The following TATDN1 variants were observed in gnomAD, a reference collection of about 807,000 sequenced individuals.
TATDN1 encodes deoxyribonuclease TATDN1.
In TATDN1, 40 loss-of-function variants were observed where a neutral mutation model predicts 46.4. The observed-to-expected ratio is 0.86, with a 90% CI of 0.67 to 1.12. The LOEUF (loss-of-function observed/expected upper bound fraction) is 1.12. TATDN1 is among the 50% of genes most tolerant of loss of function. The probability of loss-of-function intolerance (pLI) is 0.00; values close to 1 mark genes in which losing one functional copy is unlikely to be tolerated. For missense variants in TATDN1, 326 were observed against 348.4 expected, an observed-to-expected ratio of 0.94 and a Z score of 0.51; for synonymous variants, 95 against 105.6, an observed-to-expected ratio of 0.90 and a Z score of 0.62.
At chr8:124,497,826 AT>A (rs962260426) in intron 9 of TATDN1, among the ~76,000 whole-genome samples, 2 of 152,214 alleles carry the variant, frequency 1.3e-5, no homozygotes, top group Non-Finnish European at 2.9e-5. Flanking sequence ...GAGTACTTCC[AT>A]AAAAAGAAAA....
chr8:124,511,923 G>T (rs893439787), intron 6 of TATDN1, among the ~76,000 whole-genome samples: 1 of 152,176 alleles, frequency 6.6e-6, no homozygotes, highest in African/African-American at 2.4e-5. Context: ...ACAAAGGGAT[G>T]AAGTGACACC....
chr8:124,494,894 G>C (rs1817335319), intron 10 of TATDN1: 2 of 152,366 alleles, frequency 1.3e-5, no homozygotes, highest in Non-Finnish European at 2.9e-5. Flanking sequence ...AGATAACTTT[G>C]TATTTTTAGT....
intron 9 of TATDN1, among the ~76,000 whole-genome samples, chr8:124,499,836 G>A (rs1007625879): frequency 3.3e-5 from 5 of 149,826 alleles, no homozygotes; most frequent in African/African-American, 9.9e-5. Flanking sequence ...GAGTCACTGC[G>A]CCCGGCCCCC....
chr8:124,522,278 G>C (rs1820117678), intron 2 of TATDN1, 78 bp from the exon 3 acceptor site: 1 of 817,646 alleles, frequency 1.2e-6, no homozygotes, highest in Non-Finnish European at 2.1e-6. Flanking sequence ...TGTGCAAATG[G>C]CTATTTGAAG....
chr8:124,528,579 C>T (rs1225699068), intron 1 of TATDN1, among the ~76,000 whole-genome samples: 4 of 152,122 alleles, frequency 2.6e-5, no homozygotes, highest in Non-Finnish European at 4.4e-5. Context: ...TTATCTAGTA[C>T]TACTTGAGCC....
intron 1 of TATDN1, among the ~76,000 whole-genome samples, chr8:124,525,055 G>A (rs1820366803): frequency 6.6e-6 from 1 of 152,182 alleles, no homozygotes; most frequent in South Asian, 2.1e-4. Flanking sequence ...CAAGTGCAGT[G>A]AGAAGCACTT....
rs118002819 is a variant in TATDN1 at position 124,521,158 on chromosome 8, C to T, written c.138+993G>A. ...TGAAGTCTAGTGAGATAAAAGACTC[C>T]AGGTTATAAAGCTATGAAAAATGAA... On this transcript the variant is annotated intron_variant, in intron 3 of 11. Transcript: ENST00000276692. Among the ~76,000 whole-genome samples the T allele has an allele frequency of 1.2e-4, 19 of 152,112 alleles. No homozygotes were observed. In the East Asian group the frequency reaches 2.5e-3, roughly 20 times the overall value.
chr8:124,499,313 T>G (rs1228294404), intron 9 of TATDN1, among the ~76,000 whole-genome samples: 1 of 152,176 alleles, frequency 6.6e-6, no homozygotes, highest in Non-Finnish European at 1.5e-5. Context: ...TTGGTATGGA[T>G]AGTATATTTA....
intron 11 of TATDN1, among the ~76,000 whole-genome samples, chr8:124,491,884 T>C (rs1219007010): frequency 6.6e-6 from 1 of 152,188 alleles, no homozygotes; most frequent in Non-Finnish European, 1.5e-5. Flanking sequence ...ATTTTTTAAA[T>C]GTGGTTTAAA....
At chr8:124,533,295 A>C (rs1386250813) in intron 1 of TATDN1, among the ~76,000 whole-genome samples, 1 of 151,954 alleles carries the variant, frequency 6.6e-6, no homozygotes, top group Non-Finnish European at 1.5e-5. Flanking sequence ...AGGAGGTTAC[A>C]GTAAATTATG....
intron 9 of TATDN1, among the ~76,000 whole-genome samples, chr8:124,500,191 C>T (rs1475232190): frequency 2.0e-5 from 3 of 152,098 alleles, no homozygotes; most frequent in Admixed American, 1.3e-4. Flanking sequence ...TTTTAGGAAC[C>T]AAAGACTTTA....
At chr8:124,508,366 C>G in intron 8 of TATDN1, 108 bp downstream of exon 8, 1 of 859,660 alleles carries the variant, frequency 1.2e-6, no homozygotes, top group Non-Finnish European at 1.8e-6. Flanking sequence ...TATCTCATGC[C>G]AGTGCTTAAA....
At position 124,493,886 on chromosome 8, in the gene TATDN1, C is replaced by G. The variant is rs1233674029; in HGVS notation, c.738G>C (p.Lys246Asn). 2 of 1,611,832 alleles carry G rather than the reference C, an allele frequency of 1.2e-6. No homozygotes were observed. The highest frequency in any genetic ancestry group is 3.3e-5 in the Admixed American group (2 of 59,794). The change falls in exon 11 of 12, where the codon AAG (lysine) becomes AAC (asparagine). Residue 246 changes from lysine to asparagine, a missense_variant. Coordinates refer to ENST00000276692, the MANE Select transcript of TATDN1 (RefSeq NM_032026.4). Reference protein sequence around the residue: ...KYIRTAFPTKKKWESGHCLKD... With the variant: ...KYIRTAFPTKNKWESGHCLKD... The stretch of plus-strand genomic sequence containing the variant: ...TTAAGCAGTGCCCACTTTCCCACTT[C>G]TTTTTGGTAGGAAATGCAGTTCTTA...
Position 124,533,838 on chromosome 8 carries a change from T to C in TATDN1, c.22+5187A>G, listed in dbSNP as rs923864295. ...CAACCAGCACAGCTGCTTTGGTAAG[T>C]CAGTGACATTAAAAAAAGAAATGTG... On this transcript the variant is annotated intron_variant, in intron 1 of 11. Transcript: ENST00000276692. Among the ~76,000 whole-genome samples, 3 of 151,770 alleles carry C rather than the reference T, an allele frequency of 2.0e-5. No individual in the cohort carries two copies. The South Asian group carries it at 6.2e-4, about 32-fold the overall frequency.
intron 9 of TATDN1, among the ~76,000 whole-genome samples, chr8:124,500,123 GT>G (rs1338922500): frequency 3.3e-5 from 5 of 152,026 alleles, no homozygotes; most frequent in Non-Finnish European, 5.9e-5. Context: ...GATTACAGGC[GT>G]GAGCCACAAT....
chr8:124,491,494 G>A (rs937151267), intron 11 of TATDN1: 3 of 152,218 alleles, frequency 2.0e-5, no homozygotes, highest in Non-Finnish European at 4.4e-5. Context: ...TGTGCCCTAT[G>A]GTCCTGGTCA....
chr8:124,494,123 C>T (rs2131344914), intron 10 of TATDN1, 164 bp from the exon 11 acceptor site: 1 of 596,532 alleles, frequency 1.7e-6, no homozygotes, highest in Non-Finnish European at 2.7e-6. Context: ...AAGATAAAAT[C>T]TTGAATTGCA....
rs1016321894 is a variant in TATDN1, at chr8:124,493,919, T to C, written c.705A>G (p.Ser235=). 8.7e-6 allele frequency: 14 copies of C among 1,612,926 alleles called. No homozygotes were observed. Among genetic ancestry groups the C allele is most frequent in the Non-Finnish European group, 1.1e-5 (13 of 1,179,870 alleles). The change falls in exon 11 of 12, where the codon TCA becomes TCG. Residue 235 remains serine, a synonymous_variant. Transcript: ENST00000276692. ...TAGGAAATGCAGTTCTTATATATTTTGATCCAGCATGTGTACTTTTGACTC... is the reference window on the plus strand; with the variant it reads ...TAGGAAATGCAGTTCTTATATATTTCGATCCAGCATGTGTACTTTTGACTC... ...WCGVKSTHAG[S]KYIRTAFPTK... is the part of the protein sequence containing the mutation.
At chr8:124,493,695 C>A in intron 11 of TATDN1, 138 bp downstream of exon 11, 1 of 913,788 alleles carries the variant, frequency 1.1e-6, no homozygotes, top group African/African-American at 1.7e-5. Flanking sequence ...CTCCAAATCA[C>A]TGCATTAATA....
Sources: gnomAD v4.1 joint callset for allele counts (sites outside exome capture counted in the v4.1 genomes callset) on GRCh38, gnomAD v4.1.1 for gene constraint, MANE v1.5 for transcripts, NCBI Gene and HGNC (gene_info 2026-07-23, HGNC 2026-07-21) for gene names.